The following DNAJC11 variants were observed in gnomAD, a reference collection of about 807,000 sequenced individuals.
DNAJC11 encodes dnaJ homolog subfamily C member 11.
In DNAJC11, 15 loss-of-function variants were observed where a neutral mutation model predicts 78.6. The observed-to-expected ratio is 0.19, with a 90% CI of 0.13 to 0.29. The LOEUF is 0.29. Ranked by LOEUF, DNAJC11 falls within the 10% of genes least tolerant of loss-of-function variation. The pLI, the probability that DNAJC11 is intolerant of heterozygous loss-of-function variation, is 1.00. For missense variants in DNAJC11, 547 were observed against 709.6 expected (o/e 0.77, Z 2.60); for synonymous variants, 292 against 272.1 (o/e 1.07, Z -0.72).
Position 6,645,902 on chromosome 1 carries a change from T to C in DNAJC11, c.781A>G (p.Asn261Asp). 6.2e-7 allele frequency: 1 copy of C among 1,614,160 alleles called. No homozygotes were observed. Among genetic ancestry groups the C allele is most frequent in the Non-Finnish European group, 8.5e-7 (1 of 1,180,032 alleles). ...TAGCCCACGGTGTTCTTGTCTAGGTTCCGAGCTAGGACAGTGGTCAGGCCG... is the reference window on the plus strand; with the variant it reads ...TAGCCCACGGTGTTCTTGTCTAGGTCCCGAGCTAGGACAGTGGTCAGGCCG... ...RPGLTTVLAR[N>D]LDKNTVGYLQ... The change falls in exon 8 of 16, where the codon AAC becomes GAC. Residue 261 changes from asparagine (N) to aspartate (D), a missense_variant. Asn to Asp is a conservative substitution (Grantham distance 23). Transcript: ENST00000377577. This position sits in a 1 kb window ranked among gnomAD's most constrained non-coding sequence, Gnocchi z 4.1.
chr1:6,649,460 T>C, intron 7 of DNAJC11, among the ~76,000 whole-genome samples: 1 of 152,172 alleles, frequency 6.6e-6, no homozygotes, highest in East Asian at 1.9e-4. Context: ...TGAGCCACCG[T>C]GCTCAGCCAG....
chr1:6,692,872 A>T (rs1642768598), intron 1 of DNAJC11, among the ~76,000 whole-genome samples: 1 of 151,414 alleles, frequency 6.6e-6, no homozygotes, highest in Admixed American at 6.6e-5. Flanking sequence ...CAGCCTCCCA[A>T]AGTGCTGGGA....
At position 6,640,071 on chromosome 1, in the gene DNAJC11, C is replaced by CAAAA. The variant is rs56145914; in HGVS notation, c.1098-18_1098-15dup. 1.1e-4 allele frequency: 140 copies of CAAAA among 1,218,926 alleles called. No individual in the cohort carries two copies. The highest frequency in any genetic ancestry group is 7.6e-4 in the South Asian group (40 of 52,978). The allele number at this position is 1,218,926 out of a possible 1,614,324, so 75.5% of individuals were successfully genotyped here. ...GCCCTGTTGAGCCTGGGGAAAAATA[C>CAAAA]AAAAAAAAAAAAAAAAAAGCCAAGA... On this transcript the variant is annotated splice_polypyrimidine_tract_variant and intron_variant, in intron 10 of 15. Coordinates refer to ENST00000377577, the MANE Select transcript of DNAJC11 (RefSeq NM_018198.4).
chr1:6,659,181 C>G (rs897073816), intron 4 of DNAJC11, among the ~76,000 whole-genome samples: 3 of 152,182 alleles, frequency 2.0e-5, no homozygotes, highest in Non-Finnish European at 4.4e-5. Context: ...GTCTCTTGAA[C>G]CATCACACAT....
In DNAJC11 at chr1:6,635,574, TAAAATA is replaced by T; in HGVS notation, c.*95_*100del. The T allele has an allele frequency of 8.1e-7, 1 of 1,240,274 alleles. No individual in the cohort carries two copies. The highest frequency in any genetic ancestry group is 1.1e-6 in the Non-Finnish European group (1 of 877,348). The allele number at this position is 1,240,274 out of a possible 1,614,324, so 76.8% of individuals were successfully genotyped here. Reference sequence around the variant, plus strand: ...GGTACCACCTTCTATAATAATAATATAAAATAAAAACATCTGATGTCTGGGTTTTTT... The same window carrying T: ...GGTACCACCTTCTATAATAATAATATAAAACATCTGATGTCTGGGTTTTTT... On this transcript the variant is annotated 3_prime_UTR_variant, in exon 16 of 16. Transcript: ENST00000377577.
chr1:6,643,962 C>G (rs1198938829), intron 10 of DNAJC11, among the ~76,000 whole-genome samples: 1 of 152,028 alleles, frequency 6.6e-6, no homozygotes, highest in Non-Finnish European at 1.5e-5. Flanking sequence ...GCTCCGCCTC[C>G]TGGGTTCAAG....
intron 6 of DNAJC11, among the ~76,000 whole-genome samples, 172 bp downstream of exon 6, chr1:6,652,656 TG>T (rs1192708527): frequency 6.6e-6 from 1 of 152,156 alleles, no homozygotes; most frequent in African/African-American, 2.4e-5. Flanking sequence ...GCCAGGCTCA[TG>T]AGACCTATTT....
intron 3 of DNAJC11, chr1:6,668,047 T>A: frequency 2.1e-6 from 1 of 480,238 alleles, no homozygotes; most frequent in Non-Finnish European, 3.7e-6. Context: ...TTCACTCAGC[T>A]CTCCAGAGTG....
intron 4 of DNAJC11, among the ~76,000 whole-genome samples, chr1:6,662,720 G>A (rs532710023): frequency 2.0e-5 from 3 of 152,230 alleles, no homozygotes; most frequent in Non-Finnish European, 4.4e-5. Context: ...CTAGAGTATT[G>A]TAAGTGCACT....
Position 6,678,457 on chromosome 1 carries a change from G to T in DNAJC11, c.213C>A (p.Asp71Glu), listed in dbSNP as rs781249881. 4 of 1,612,550 alleles carry T rather than the reference G, an allele frequency of 2.5e-6. No homozygotes were observed. Among genetic ancestry groups the T allele is most frequent in the East Asian group, 2.2e-5 (1 of 44,884 alleles). The change falls in exon 3 of 16, where the codon GAC becomes GAA. Residue 71 changes from aspartate (D) to glutamate (E), a missense_variant. Coordinates refer to ENST00000377577, the MANE Select transcript of DNAJC11 (RefSeq NM_018198.4). ...LVHQAYEVLS[D>E]PQTRAIYDIY... ...TATCATAGATGGCCCTGGTTTGGGG[G>T]TCACTAAGCACTGCAAATTAAAAAT...
At chr1:6,673,253 G>C (rs1010282843) in intron 3 of DNAJC11, among the ~76,000 whole-genome samples, 2 of 138,226 alleles carry the variant, frequency 1.4e-5, no homozygotes, top group African/African-American at 5.5e-5. Context: ...AGGAGTTCCA[G>C]ACCAACCCGG....
At chr1:6,658,310 G>A (rs542492147) in intron 4 of DNAJC11, among the ~76,000 whole-genome samples, 4 of 152,284 alleles carry the variant, frequency 2.6e-5, no homozygotes, top group Admixed American at 1.3e-4. Flanking sequence ...CAAAGGAAAC[G>A]AATGAGACAA....
chr1:6,638,409 C>G, intron 11 of DNAJC11, 45 bp from the exon 12 acceptor site: 2 of 1,582,976 alleles, frequency 1.3e-6, no homozygotes, highest in Non-Finnish European at 1.7e-6. Flanking sequence ...CGGCGCTGCC[C>G]AGCTTCCAGC....
intron 1 of DNAJC11, among the ~76,000 whole-genome samples, chr1:6,699,873 G>A (rs1642897437): frequency 6.6e-6 from 1 of 152,182 alleles, no homozygotes; most frequent in African/African-American, 2.4e-5. Flanking sequence ...TATTTCACTG[G>A]ACATTCTCAT....
At chr1:6,657,388 G>A (rs1346242218) in intron 4 of DNAJC11, among the ~76,000 whole-genome samples, 1 of 152,210 alleles carries the variant, frequency 6.6e-6, no homozygotes, top group East Asian at 1.9e-4. Flanking sequence ...CATGAATGCA[G>A]AAGCCACTGC....
chr1:6,643,070 T>A (rs777957596), intron 10 of DNAJC11, among the ~76,000 whole-genome samples: 5 of 151,692 alleles, frequency 3.3e-5, no homozygotes, highest in African/African-American at 4.9e-5. Flanking sequence ...GCAGAGAGGC[T>A]GTAAGGGCAG....
intron 12 of DNAJC11, 84 bp from the exon 13 acceptor site, chr1:6,637,588 G>A: frequency 6.7e-7 from 1 of 1,482,226 alleles, no homozygotes; most frequent in Admixed American, 1.7e-5. Flanking sequence ...AGGCAGTCTT[G>A]TCCACGTCAA....
At chr1:6,657,893 C>T (rs984754940) in intron 4 of DNAJC11, among the ~76,000 whole-genome samples, 1 of 152,222 alleles carries the variant, frequency 6.6e-6, no homozygotes, top group Non-Finnish European at 1.5e-5. Flanking sequence ...GATCTGCCCA[C>T]CTTGGCCTCC....
At chr1:6,635,957 A>G (rs1468435589) in intron 15 of DNAJC11, among the ~76,000 whole-genome samples, 160 bp downstream of exon 15, 1 of 152,178 alleles carries the variant, frequency 6.6e-6, no homozygotes, top group Non-Finnish European at 1.5e-5. Context: ...GGCACAAATC[A>G]TGGGCTCTGA....
Sources: allele counts gnomAD v4.1 joint callset (sites outside exome capture counted in the v4.1 genomes callset), GRCh38; gene constraint gnomAD v4.1.1; non-coding constraint Gnocchi (gnomAD v3.1); transcripts MANE v1.5; gene names NCBI Gene and HGNC (gene_info 2026-07-23, HGNC 2026-07-21).